TIMELESS: variants seen among roughly 807,000 people sequenced by gnomAD.
The protein encoded by TIMELESS is timeless circadian regulator.
In TIMELESS, 124 loss-of-function variants were observed where a neutral mutation model predicts 164.3. The ratio of observed to expected loss-of-function variants is 0.75; its 90% CI spans 0.65 to 0.88. The LOEUF is 0.88. TIMELESS is among the 40% of genes least tolerant of loss of function. The pLI, the probability that TIMELESS is intolerant of heterozygous loss-of-function variation, is 0.00. For missense variants in TIMELESS, 1,422 were observed against 1,491.4 expected (o/e 0.95, Z 0.77); for synonymous variants, 564 against 563.4 (o/e 1.00, Z -0.02).
rs74785112 is a variant in TIMELESS, at chr12:56,427,545, T to A, written c.1578+691A>T. ...ATTCCAATAATAACCAATACAGGAC[T>A]AGATTCCAGACTTTCTAAAGTTCAA... On this transcript the variant is annotated intron_variant, in intron 13 of 28. Transcript: ENST00000553532. 2.4e-3 allele frequency among the ~76,000 whole-genome samples: 364 copies of A among 152,324 alleles called. 1 individual carries two copies. Among genetic ancestry groups the A allele is most frequent in the Non-Finnish European group, 4.5e-3 (309 of 68,034 alleles).
chr12:56,431,354 CAA>C (rs11366728), intron 8 of TIMELESS, 115 bp downstream of exon 8: 25,116 of 796,048 alleles, frequency 0.032, no homozygotes, highest in Admixed American at 0.053. Context: ...AATTCTGTCT[CAA>C]AAAAAAAAAA....
intron 13 of TIMELESS, among the ~76,000 whole-genome samples, chr12:56,427,143 GAC>G (rs1366328911): frequency 1.3e-5 from 2 of 150,944 alleles, no homozygotes; most frequent in African/African-American, 4.9e-5. Context: ...TTTTTGTTGA[GAC>G]AGAGTCTTGC....
Position 56,423,442 on chromosome 12 carries a change from C to T in TIMELESS, c.2124G>A (p.Val708=), listed in dbSNP as rs1260149982. 4 of 1,614,126 alleles carry T rather than the reference C, an allele frequency of 2.5e-6. No individual in the cohort carries two copies. The highest frequency in any genetic ancestry group is 3.4e-6 in the Non-Finnish European group (4 of 1,180,026). ...FACSTVVRAY[V]LLLRSYQQNS... ...TCTGCTGGTAGCTCCTTAGTAGCAG[C>T]ACATAGGCTCGAACGACAGTTGAAC... The change falls in exon 18 of 29, where the codon GTG becomes GTA. Residue 708 remains valine (V), a synonymous_variant. Transcript: ENST00000553532.
chr12:56,429,952 A>G (rs1881816935), intron 10 of TIMELESS, among the ~76,000 whole-genome samples, 153 bp downstream of exon 10: 1 of 152,116 alleles, frequency 6.6e-6, no homozygotes, highest in South Asian at 2.1e-4. Flanking sequence ...ACTATCTCTC[A>G]GGGACATCCT....
chr12:56,421,395 C>T lies in TIMELESS; in HGVS notation c.2824G>A (p.Glu942Lys). 3.1e-6 allele frequency: 5 copies of T among 1,614,094 alleles called. No homozygotes were observed. Among genetic ancestry groups the T allele is most frequent in the Non-Finnish European group, 4.2e-6 (5 of 1,180,004 alleles). Residue 942 changes from glutamate to lysine, a missense_variant, in exon 23 of 29, where the codon GAG becomes AAG. Glu to Lys is a moderately conservative substitution (Grantham distance 56). Transcript: ENST00000553532. ...TTTTTCTGCCGTTTCTTGTACAGCT[C>T]CCGCCGCTCAGCCACCAGCCCCAGA... ...LALGLVAERR[E>K]LYKKRQKKLA...
chr12:56,427,326 T>C (rs1228718020), intron 13 of TIMELESS, among the ~76,000 whole-genome samples: 5 of 152,182 alleles, frequency 3.3e-5, no homozygotes, highest in Non-Finnish European at 7.3e-5. Context: ...TTTTGTCATG[T>C]TGCCCAGGCT....
At chr12:56,433,492 C>T (rs747902763) in intron 4 of TIMELESS, 46 bp downstream of exon 4, 15 of 1,613,688 alleles carry the variant, frequency 9.3e-6, no homozygotes, top group Non-Finnish European at 1.2e-5. Flanking sequence ...CACTTCTTCA[C>T]CACTGCCCCA....
chr12:56,433,203 C>A (rs1479958056), intron 5 of TIMELESS, 76 bp from the exon 6 acceptor site: 8 of 1,474,482 alleles, frequency 5.4e-6, no homozygotes, highest in Non-Finnish European at 7.6e-6. Context: ...AAGACCCAGG[C>A]ATAGAAGAGA....
Position 56,428,312 on chromosome 12 carries a change from T to C in TIMELESS, c.1502A>G (p.Asp501Gly). 1 of 1,613,592 alleles carries C rather than the reference T, an allele frequency of 6.2e-7. No individual in the cohort carries two copies. The highest frequency in any genetic ancestry group is 8.5e-7 in the Non-Finnish European group (1 of 1,179,706). The change falls in exon 13 of 29, where the codon GAC becomes GGC. Residue 501 changes from aspartate to glycine, a missense_variant. Physicochemically the swap from Asp to Gly is moderately conservative, Grantham distance 94. Coordinates refer to ENST00000553532, the MANE Select transcript of TIMELESS (RefSeq NM_003920.5). Reference sequence around the variant, plus strand: ...GAAGAGGTGGGTGGTCTCCACCAGGTCACGAAGGAAAGAGCGGGGCTGGCA... The same window carrying C: ...GAAGAGGTGGGTGGTCTCCACCAGGCCACGAAGGAAAGAGCGGGGCTGGCA... ...ERCQPRSFLR[D>G]LVETTHLFLK... is the part of the protein sequence containing the mutation.
intron 1 of TIMELESS, among the ~76,000 whole-genome samples, chr12:56,446,285 G>C (rs1868348636): frequency 6.6e-6 from 1 of 152,194 alleles, no homozygotes; most frequent in Non-Finnish European, 1.5e-5. Flanking sequence ...GGATACATAA[G>C]AAACTTCATA....
chr12:56,423,393 T>C lies in TIMELESS; in HGVS notation c.2173A>G (p.Ile725Val), dbSNP rs1459412929. ...GCCAGCCGGTGCAGCATCTTCACAA[T>C]GCAATGGTTAGTGTGGGCACTATTC... The part of the protein sequence containing the change: ...QQNSAHTNHC[I>V]VKMLHRLAHD... Residue 725 changes from isoleucine to valine, a missense_variant, in exon 18 of 29, where the codon ATT becomes GTT. Physicochemically the swap from Ile to Val is conservative, Grantham distance 29. Coordinates refer to ENST00000553532, the MANE Select transcript of TIMELESS (RefSeq NM_003920.5). The C allele has an allele frequency of 1.9e-6, 3 of 1,614,074 alleles. No individual in the cohort carries two copies. Among genetic ancestry groups the C allele is most frequent in the Non-Finnish European group, 2.5e-6 (3 of 1,180,014 alleles).
At position 56,430,111 on chromosome 12, in the gene TIMELESS, T is replaced by C; in HGVS notation, c.1080A>G (p.Ser360=). 1.2e-6 allele frequency: 2 copies of C among 1,611,260 alleles called. No homozygotes were observed. ...LENCYNRLMG[S]VKDHLLREKA... is the part of the protein sequence containing the mutation. ...ATCCTTCACAGGTTCTCACCTTTAC[T>C]GATCCCATGAGCCGGTTGTAACAGT... The change falls in exon 10 of 29, where the codon TCA becomes TCG. Residue 360 remains serine (S), a synonymous_variant. Coordinates refer to ENST00000553532, the MANE Select transcript of TIMELESS (RefSeq NM_003920.5).
chr12:56,420,854 T>C lies in TIMELESS; in HGVS notation c.3068A>G (p.Gln1023Arg), dbSNP rs1592243472. The change falls in exon 25 of 29, where the codon CAG (glutamine) becomes CGG (arginine). Residue 1023 changes from glutamine (Q) to arginine (R), a missense_variant. By Grantham distance (43) the Gln-to-Arg change is conservative. Transcript: ENST00000553532. ...EGFSIPLLWL[Q>R]NCLIRAADDR... Reference sequence around the variant, plus strand: ...ATCAGCTGCTCGGATCAGGCAGTTCTGGAGCCATAGGAGCGGGATAGAAAA... The same window carrying C: ...ATCAGCTGCTCGGATCAGGCAGTTCCGGAGCCATAGGAGCGGGATAGAAAA... 1 of 1,614,208 alleles carries C rather than the reference T, an allele frequency of 6.2e-7. No homozygotes were observed.
chr12:56,425,072 T>G lies in TIMELESS; in HGVS notation c.1659A>C (p.Pro553=), dbSNP rs199974705. Residue 553 remains proline, a synonymous_variant, in exon 14 of 29, where the codon CCA becomes CCC. Transcript: ENST00000553532. The stretch of plus-strand genomic sequence containing the variant: ...CTGGCCACACAGCCTCCACTTCTTC[T>G]GGGCTAGATGGGACATTACCAGAAA... ...AIVSGNVPSS[P]EEVEAVWPAL... 3.7e-6 allele frequency: 6 copies of G among 1,614,232 alleles called. No individual in the cohort carries two copies. Among genetic ancestry groups the G allele is most frequent in the Non-Finnish European group, 4.2e-6 (5 of 1,180,054 alleles).
At chr12:56,425,191 A>G (rs1317709839) in intron 13 of TIMELESS, 39 bp from the exon 14 acceptor site, 3 of 1,549,944 alleles carry the variant, frequency 1.9e-6, no homozygotes, top group East Asian at 2.4e-5. Context: ...CAAGAGAGCT[A>G]AAGAGGGCTT....
Position 56,432,365 on chromosome 12 carries a change from T to A in TIMELESS, c.687+4A>T, listed in dbSNP as rs1244402529. 6.2e-7 allele frequency: 1 copy of A among 1,612,382 alleles called. No homozygotes were observed. Among genetic ancestry groups the A allele is most frequent in the South Asian group, 1.1e-5 (1 of 91,042 alleles). On this transcript the variant is annotated splice_donor_region_variant and intron_variant, in intron 7 of 28. Transcript: ENST00000553532. The stretch of plus-strand genomic sequence containing the variant: ...GGGACTCGGGCAATAGGCCAGGGTC[T>A]CACCTGGTCACGAAACATAAGGGAG...
chr12:56,433,460 C>T lies in TIMELESS; in HGVS notation c.367-17G>A, dbSNP rs550167822. ...GGCAAAGGCCTGTGAAATAGGGAAC[C>T]TGATCTTAAGTAGCAGTCATCCACT... On this transcript the variant is annotated splice_polypyrimidine_tract_variant and intron_variant, in intron 4 of 28. Transcript: ENST00000553532. The T allele has an allele frequency of 1.2e-6, 2 of 1,614,202 alleles. No homozygotes were observed. Among genetic ancestry groups the T allele is most frequent in the African/African-American group, 1.3e-5 (1 of 75,056 alleles).
rs1324886903 is a variant in TIMELESS at position 56,428,605 on chromosome 12, T to G, written c.1352A>C (p.Asn451Thr). ...CTCATCTGGAGATATGTCCATCTCA[T>G]TCACTGTTGCCAGCAGCTCCTGATA... ...KAYQELLATVNEMDISPDEAV... is the reference protein window; with the variant it reads ...KAYQELLATVTEMDISPDEAV... Residue 451 changes from asparagine (N) to threonine (T), a missense_variant, in exon 12 of 29, where the codon AAT (asparagine) becomes ACT (threonine). By Grantham distance (65) the Asn-to-Thr change is moderately conservative. Transcript: ENST00000553532. 1 of 1,614,162 alleles carries G rather than the reference T, an allele frequency of 6.2e-7. No individual in the cohort carries two copies. Among genetic ancestry groups the G allele is most frequent in the African/African-American group, 1.3e-5 (1 of 75,046 alleles).
intron 1 of TIMELESS, among the ~76,000 whole-genome samples, chr12:56,442,820 T>A (rs1018983300): frequency 6.6e-6 from 1 of 152,220 alleles, no homozygotes; most frequent in African/African-American, 2.4e-5. Flanking sequence ...TCATGGACAT[T>A]TATTAGTTCC....
Sources: gnomAD v4.1 joint callset for allele counts (sites outside exome capture counted in the v4.1 genomes callset) on GRCh38, gnomAD v4.1.1 for gene constraint, MANE v1.5 for transcripts, NCBI Gene and HGNC (gene_info 2026-07-23, HGNC 2026-07-21) for gene names.